The following PRCP variants were observed in gnomAD, a reference collection of about 807,000 sequenced individuals.
The protein encoded by PRCP is prolylcarboxypeptidase, also known as lysosomal Pro-X carboxypeptidase.
Under a neutral mutation model 54.2 loss-of-function variants are expected in PRCP, and 46 were observed. The observed-to-expected ratio is 0.85, with a 90% CI of 0.67 to 1.09. The LOEUF (loss-of-function observed/expected upper bound fraction) is 1.09. Ranked by LOEUF, PRCP falls within the 50% of genes least tolerant of loss-of-function variation. The pLI, the probability that PRCP is intolerant of heterozygous loss-of-function variation, is 0.00. For missense variants in PRCP, 613 were observed against 596.8 expected (o/e 1.03, Z -0.28); for synonymous variants, 240 against 212.2 (o/e 1.13, Z -1.14).
intron 1 of PRCP, 74 bp from the exon 2 acceptor site, chr11:82,860,191 C>T: frequency 3.7e-6 from 4 of 1,090,972 alleles, no homozygotes; most frequent in Non-Finnish European, 4.8e-6. Flanking sequence ...GTAATTAATT[C>T]TTCCATTAAA....
intron 1 of PRCP, among the ~76,000 whole-genome samples, chr11:82,862,568 T>A (rs1462088167): frequency 6.6e-6 from 1 of 152,010 alleles, no homozygotes; most frequent in Non-Finnish European, 1.5e-5. Flanking sequence ...AGATGGGACT[T>A]CCTGCACCCA....
At chr11:82,844,747 A>AAAAAAAAAAG (rs756222029) in intron 6 of PRCP, among the ~76,000 whole-genome samples, 8 of 136,050 alleles carry the variant, frequency 5.9e-5, no homozygotes, top group African/African-American at 2.3e-4. Context: ...AAAAAAAAAA[A>AAAAAAAAAAG]AAAGAAAGAA....
chr11:82,850,677 T>C (rs1041307314), intron 3 of PRCP, among the ~76,000 whole-genome samples, 172 bp from the exon 4 acceptor site: 2 of 152,212 alleles, frequency 1.3e-5, no homozygotes, highest in African/African-American at 4.8e-5. Flanking sequence ...TTCAAACTCA[T>C]GAAAATGATT....
At chr11:82,847,972 A>G (rs1300529840) in intron 6 of PRCP, among the ~76,000 whole-genome samples, 2 of 152,174 alleles carry the variant, frequency 1.3e-5, no homozygotes, top group Non-Finnish European at 2.9e-5. Context: ...ATTCTAATTC[A>G]ATATATACTT....
At chr11:82,838,322 G>C in intron 8 of PRCP, 65 bp downstream of exon 8, 3 of 1,455,234 alleles carry the variant, frequency 2.1e-6, no homozygotes, top group East Asian at 4.6e-5. Context: ...CCCTGGTTCT[G>C]TTTTTTCAGA....
At chr11:82,872,860 A>G (rs1859511153) in intron 1 of PRCP, among the ~76,000 whole-genome samples, 2 of 152,214 alleles carry the variant, frequency 1.3e-5, no homozygotes, top group African/African-American at 2.4e-5. Flanking sequence ...CCAGACAAAG[A>G]AAGAACTCTA....
At chr11:82,838,647 C>T in intron 7 of PRCP, 73 bp from the exon 8 acceptor site, 1 of 1,458,102 alleles carries the variant, frequency 6.9e-7, no homozygotes, top group Non-Finnish European at 9.3e-7. Flanking sequence ...TACACAAAGT[C>T]ATAATGCTGG....
intron 8 of PRCP, among the ~76,000 whole-genome samples, chr11:82,835,065 A>C (rs938299586): frequency 1.3e-5 from 2 of 152,214 alleles, no homozygotes; most frequent in African/African-American, 4.8e-5. Flanking sequence ...ACTCTATCTC[A>C]AAAGAAAAAG....
At chr11:82,873,981 G>C (rs968312735) in intron 1 of PRCP, among the ~76,000 whole-genome samples, 2 of 152,122 alleles carry the variant, frequency 1.3e-5, no homozygotes, top group African/African-American at 4.8e-5. Flanking sequence ...ATGTCCTCCA[G>C]GGACTTTTTA....
intron 2 of PRCP, among the ~76,000 whole-genome samples, chr11:82,858,966 T>C (rs149169721): frequency 9.8e-4 from 150 of 152,338 alleles, no homozygotes; most frequent in Middle Eastern, 3.4e-3. Flanking sequence ...AACAATGTAA[T>C]TGGGTTCATA....
At chr11:82,835,355 T>C (rs1302587189) in intron 8 of PRCP, among the ~76,000 whole-genome samples, 3 of 152,228 alleles carry the variant, frequency 2.0e-5, no homozygotes, top group Non-Finnish European at 4.4e-5. Flanking sequence ...CCCTAAAAGC[T>C]TTTGGCTATG....
At chr11:82,901,248 G>T (rs1860287114), upstream of PRCP, among the ~76,000 whole-genome samples, 1 of 151,956 alleles carries the variant, frequency 6.6e-6, no homozygotes, top group South Asian at 2.1e-4. Flanking sequence ...CCTAAATCCC[G>T]CCAGGTCCCG....
At chr11:82,855,804 C>T (rs1196614782) in intron 2 of PRCP, among the ~76,000 whole-genome samples, 4 of 151,956 alleles carry the variant, frequency 2.6e-5, no homozygotes, top group African/African-American at 9.7e-5. Flanking sequence ...AATGAGATAC[C>T]ATCTCATACC....
intron 1 of PRCP, among the ~76,000 whole-genome samples, chr11:82,890,420 T>C (rs531095924): frequency 2.6e-4 from 40 of 152,282 alleles, no homozygotes; most frequent in Middle Eastern, 3.4e-3. Context: ...TTGACTATGG[T>C]CAAACTGTTC....
At chr11:82,848,560 A>G (rs1222548928) in intron 6 of PRCP, among the ~76,000 whole-genome samples, 1 of 152,170 alleles carries the variant, frequency 6.6e-6, no homozygotes, top group East Asian at 1.9e-4. Flanking sequence ...TTTCCACTCT[A>G]CTGTGCTGCA....
chr11:82,885,926 A>AT (rs1168399625), intron 1 of PRCP, among the ~76,000 whole-genome samples: 2 of 152,154 alleles, frequency 1.3e-5, no homozygotes, highest in Admixed American at 1.3e-4. Flanking sequence ...CTCACCAAAG[A>AT]TGTATCTTCC....
At chr11:82,855,382 G>C (rs1859059966) in intron 2 of PRCP, among the ~76,000 whole-genome samples, 1 of 152,164 alleles carries the variant, frequency 6.6e-6, no homozygotes, top group Non-Finnish European at 1.5e-5. Context: ...ACTTTGGGAG[G>C]CTGAGGTGGG....
rs1857741712 is a variant in PRCP, at chr11:82,899,956, G to A, written c.168+279C>T. ...GGGAGTTCGGATTGGGGCACCCTCT[G>A]GGAGCAGAGGGAGTTGAAGTGACTG... On this transcript the variant is annotated intron_variant, in intron 1 of 8. Transcript: ENST00000313010. 1.9e-5 allele frequency: 8 copies of A among 423,416 alleles called. No homozygotes were observed. The South Asian group carries it at 2.1e-4, about 11-fold the overall frequency. 26.2% of individuals were successfully genotyped at this position (423,416 alleles called of 1,614,324 possible).
intron 6 of PRCP, among the ~76,000 whole-genome samples, chr11:82,841,164 G>C (rs1858658100): frequency 6.7e-6 from 1 of 148,770 alleles, no homozygotes; most frequent in Non-Finnish European, 1.5e-5. Flanking sequence ...AACAGGGCCT[G>C]GGCTGGGGAC....
Sources: gnomAD v4.1 joint callset for allele counts (sites outside exome capture counted in the v4.1 genomes callset) on GRCh38, gnomAD v4.1.1 for gene constraint, MANE v1.5 for transcripts, NCBI Gene and HGNC (gene_info 2026-07-23, HGNC 2026-07-21) for gene names.